Variants in CTXND1 observed in about 807,000 individuals in gnomAD.
CTXND1 encodes the protein cortexin domain-containing 1 protein.
intron 1 of CTXND1, among the ~76,000 whole-genome samples, chr15:80,218,957 G>A (rs1015744268): frequency 5.3e-5 from 8 of 149,650 alleles, no homozygotes; most frequent in African/African-American, 2.0e-4. Flanking sequence ...TTTGAGACAG[G>A]GTCTTGTGCT....
chr15:80,237,915 A>T (rs1252887339), intron 1 of CTXND1, among the ~76,000 whole-genome samples: 7 of 147,758 alleles, frequency 4.7e-5, no homozygotes, highest in Non-Finnish European at 1.5e-5. Context: ...AGACTGAGGC[A>T]GGTGAATCGC....
chr15:80,215,084 A>G (rs1305224888), intron 1 of CTXND1, among the ~76,000 whole-genome samples: 1 of 152,178 alleles, frequency 6.6e-6, no homozygotes, highest in African/African-American at 2.4e-5. Flanking sequence ...GAAATAGAAA[A>G]CCCAAATTAA....
In CTXND1 at chr15:80,236,608, C is replaced by A. The variant is rs76091676; in HGVS notation, c.-218+15399G>T. ...GACCAGCCTGGGCAACATGGTGGAA[C>A]GCCATCTCTACTAAACATACAAATA... is the stretch of plus-strand genomic sequence containing the variant. On this transcript the variant is annotated intron_variant, in intron 1 of 2. Coordinates refer to ENST00000560778, the MANE Select transcript of CTXND1 (RefSeq NM_001352888.2). Among the ~76,000 whole-genome samples, 372 of 152,122 alleles carry A rather than the reference C, an allele frequency of 2.4e-3. 2 individuals are homozygous for A. Among genetic ancestry groups the A allele is most frequent in the Middle Eastern group, 0.014 (4 of 294 alleles).
intron 1 of CTXND1, among the ~76,000 whole-genome samples, chr15:80,231,367 C>T (rs1340433158): frequency 6.6e-6 from 1 of 150,880 alleles, no homozygotes; most frequent in African/African-American, 2.4e-5. Context: ...ATCATCTTTG[C>T]CTGCCATTTT....
intron 1 of CTXND1, among the ~76,000 whole-genome samples, chr15:80,235,258 T>C (rs1420731646): frequency 6.6e-6 from 1 of 152,178 alleles, no homozygotes; most frequent in Non-Finnish European, 1.5e-5. Flanking sequence ...TGGCAGGACC[T>C]AATAGATAGC....
At chr15:80,221,023 C>T (rs1464711659) in intron 1 of CTXND1, among the ~76,000 whole-genome samples, 1 of 151,762 alleles carries the variant, frequency 6.6e-6, no homozygotes, top group Non-Finnish European at 1.5e-5. Context: ...ATTCTCCTGC[C>T]TCAGCCTCCC....
chr15:80,252,209 G>C lies in CTXND1; in HGVS notation c.-420C>G, dbSNP rs944711150. The C allele has an allele frequency of 6.6e-6, 1 of 151,956 alleles. No homozygotes were observed. Among genetic ancestry groups the C allele is most frequent in the Non-Finnish European group, 1.5e-5 (1 of 67,974 alleles). 9.4% of individuals were successfully genotyped at this position (151,956 alleles called of 1,614,324 possible). The stretch of plus-strand genomic sequence containing the variant: ...AGCCCGGGCCAGCAGCCGAGAGGGG[G>C]CTCTGAGCGGAGCCGCGGCCGTCCT... On this transcript the variant is annotated 5_prime_UTR_variant, in exon 1 of 3. Transcript: ENST00000560778.
At chr15:80,240,571 G>A (rs1439260978) in intron 1 of CTXND1, among the ~76,000 whole-genome samples, 1 of 152,184 alleles carries the variant, frequency 6.6e-6, no homozygotes, top group East Asian at 1.9e-4. Context: ...TAATCACTGT[G>A]TAGAGCGGAA....
chr15:80,245,448 G>T (rs2141466053), intron 1 of CTXND1, among the ~76,000 whole-genome samples: 1 of 152,344 alleles, frequency 6.6e-6, no homozygotes, highest in African/African-American at 2.4e-5. Flanking sequence ...CTATCATGCA[G>T]TTACCTTCAG....
At chr15:80,217,781 G>A (rs1413160873) in intron 1 of CTXND1, among the ~76,000 whole-genome samples, 5 of 151,994 alleles carry the variant, frequency 3.3e-5, no homozygotes, top group Admixed American at 6.6e-5. Context: ...TCCTGAGCTC[G>A]AGCAATCTGC....
At chr15:80,236,574 G>A (rs1307708937) in intron 1 of CTXND1, among the ~76,000 whole-genome samples, 1 of 152,042 alleles carries the variant, frequency 6.6e-6, no homozygotes, top group Non-Finnish European at 1.5e-5. Flanking sequence ...CCTGAGGTCA[G>A]GAGATCGAGA....
intron 1 of CTXND1, among the ~76,000 whole-genome samples, chr15:80,235,410 G>C (rs1863769): frequency 0.15 from 22,115 of 152,138 alleles, 1,902 homozygotes; most frequent in East Asian, 0.38. Context: ...TGGAGTGCTG[G>C]CCAAGATGGC....
chr15:80,251,742 C>G (rs1278462976), intron 1 of CTXND1, among the ~76,000 whole-genome samples: 2 of 152,030 alleles, frequency 1.3e-5, no homozygotes, highest in African/African-American at 4.8e-5. Flanking sequence ...CGGCTCCCAC[C>G]GAGGCTGCTG....
At chr15:80,211,943 AC>A (rs1893208338) in intron 1 of CTXND1, among the ~76,000 whole-genome samples, 1 of 152,194 alleles carries the variant, frequency 6.6e-6, no homozygotes, top group Non-Finnish European at 1.5e-5. Context: ...GGTCACACTT[AC>A]AACTCCGTAG....
intron 1 of CTXND1, among the ~76,000 whole-genome samples, chr15:80,211,472 C>G (rs1567129190): frequency 6.6e-6 from 1 of 152,164 alleles, no homozygotes; most frequent in East Asian, 1.9e-4. Flanking sequence ...CCTAACCCCT[C>G]ACCAATCACA....
At chr15:80,235,898 G>A (rs1893489804) in intron 1 of CTXND1, among the ~76,000 whole-genome samples, 1 of 151,232 alleles carries the variant, frequency 6.6e-6, no homozygotes, top group East Asian at 1.9e-4. Context: ...ATAATGATGA[G>A]GACTTAGAGG....
chr15:80,213,335 A>G (rs1337944804), intron 1 of CTXND1, among the ~76,000 whole-genome samples: 1 of 152,242 alleles, frequency 6.6e-6, no homozygotes, highest in African/African-American at 2.4e-5. Flanking sequence ...GGTAGGTTGA[A>G]TAATGGCCTC....
intron 1 of CTXND1, among the ~76,000 whole-genome samples, chr15:80,240,450 C>A (rs1893552778): frequency 2.6e-5 from 4 of 152,162 alleles, no homozygotes; most frequent in Admixed American, 1.3e-4. Flanking sequence ...ATCTACAAGC[C>A]TGCACTATTT....
chr15:80,230,389 C>T (rs548324408), intron 1 of CTXND1, among the ~76,000 whole-genome samples: 36 of 152,280 alleles, frequency 2.4e-4, no homozygotes, highest in African/African-American at 7.5e-4. Flanking sequence ...GGATTACAGA[C>T]GTGAGCCACA....
Sources: gnomAD v4.1 joint callset for allele counts (sites outside exome capture counted in the v4.1 genomes callset) on GRCh38, gnomAD v4.1.1 for gene constraint, MANE v1.5 for transcripts, NCBI Gene and HGNC (gene_info 2026-07-23, HGNC 2026-07-21) for gene names.